The following RARB variants were observed in gnomAD, a reference collection of about 807,000 sequenced individuals.
The protein encoded by RARB is HBV-activated protein.
RARB carries 17 observed loss-of-function variants against 51.9 expected under a neutral mutation model. The observed-to-expected ratio is 0.33, with a 90% CI of 0.22 to 0.49. The LOEUF (loss-of-function observed/expected upper bound fraction) is 0.49, where lower values mean the gene tolerates loss of function less well. Among genes scored for constraint, RARB ranks in the 20% least tolerant of loss-of-function variants. The pLI is 0.99. For missense variants in RARB, 369 were observed against 550.8 expected, an observed-to-expected ratio of 0.67 and a Z score of 3.30; for synonymous variants, 215 against 195.4, an observed-to-expected ratio of 1.10 and a Z score of -0.84.
At chr3:25,455,548 A>T (rs1694863623) in intron 1 of RARB, among the ~76,000 whole-genome samples, 1 of 152,036 alleles carries the variant, frequency 6.6e-6, no homozygotes, top group African/African-American at 2.4e-5. Flanking sequence ...GGGGGTGGAG[A>T]TGTCTAAAAT....
chr3:24,977,724 T>A (rs1180741114), intron 2 of RARB, among the ~76,000 whole-genome samples: 1 of 152,196 alleles, frequency 6.6e-6, no homozygotes, highest in African/African-American at 2.4e-5. Context: ...CTTCCTCTTT[T>A]CCTAATCGAA....
At chr3:24,933,637 T>C (rs901252368) in intron 2 of RARB, among the ~76,000 whole-genome samples, 4 of 151,924 alleles carry the variant, frequency 2.6e-5, no homozygotes, top group African/African-American at 9.7e-5. Flanking sequence ...GCAGAAGTTA[T>C]TACAGCACTC....
intron 5 of RARB, among the ~76,000 whole-genome samples, chr3:25,291,775 T>C (rs1703794268): frequency 6.6e-6 from 1 of 152,130 alleles, no homozygotes; most frequent in South Asian, 2.1e-4. Context: ...AGTAGCAGCT[T>C]GTATGGCTGT....
At chr3:25,477,168 T>C (rs1695993562) in intron 2 of RARB, among the ~76,000 whole-genome samples, 1 of 152,228 alleles carries the variant, frequency 6.6e-6, no homozygotes, top group South Asian at 2.1e-4. Flanking sequence ...AAAATGTCAA[T>C]AGGCATCCTT....
chr3:25,078,387 G>T (rs191174403), intron 3 of RARB, among the ~76,000 whole-genome samples: 1 of 151,796 alleles, frequency 6.6e-6, no homozygotes, highest in Non-Finnish European at 1.5e-5. Context: ...TATTGTTTTG[G>T]CTCTTCCATC....
intron 2 of RARB, among the ~76,000 whole-genome samples, chr3:24,901,175 G>A (rs1443934783): frequency 3.9e-5 from 6 of 152,150 alleles, no homozygotes; most frequent in Non-Finnish European, 7.4e-5. Context: ...ATTTTTGCAC[G>A]TAACAGCTAC....
chr3:24,867,081 G>T (rs1441028451), intron 2 of RARB, among the ~76,000 whole-genome samples: 2 of 152,132 alleles, frequency 1.3e-5, no homozygotes, highest in African/African-American at 4.8e-5. Context: ...TTCTACAATA[G>T]TGATGTTATC....
At chr3:25,550,749 C>CA (rs1699814710) in intron 3 of RARB, among the ~76,000 whole-genome samples, 1 of 152,184 alleles carries the variant, frequency 6.6e-6, no homozygotes, top group Non-Finnish European at 1.5e-5. Flanking sequence ...TCCCCACCGC[C>CA]ACCTGACAGG....
intron 2 of RARB, among the ~76,000 whole-genome samples, chr3:24,950,107 C>T (rs750349307): frequency 2.0e-5 from 3 of 152,172 alleles, no homozygotes; most frequent in Non-Finnish European, 4.4e-5. Context: ...ACTTGAATCA[C>T]AAAGACTGAT....
At chr3:25,303,771 C>T (rs1192324907) in intron 5 of RARB, among the ~76,000 whole-genome samples, 1 of 152,182 alleles carries the variant, frequency 6.6e-6, no homozygotes, top group African/African-American at 2.4e-5. Context: ...CTGCTTTGAG[C>T]ACCGTAGAGC....
At chr3:25,127,167 T>G (rs1008626777) in intron 3 of RARB, among the ~76,000 whole-genome samples, 1 of 152,146 alleles carries the variant, frequency 6.6e-6, no homozygotes, top group African/African-American at 2.4e-5. Flanking sequence ...TGTCACACTC[T>G]GCTTAAAATC....
chr3:24,844,667 G>A (rs1393764291), intron 1 of RARB, among the ~76,000 whole-genome samples: 5 of 152,156 alleles, frequency 3.3e-5, no homozygotes, highest in Non-Finnish European at 7.3e-5. Flanking sequence ...ATCAAATATG[G>A]CACTTCTTCA....
chr3:24,995,049 G>A lies in RARB; in HGVS notation c.-379-65076G>A, dbSNP rs573621476. On this transcript the variant is annotated intron_variant, in intron 2 of 11. Transcript: ENST00000383772. The stretch of plus-strand genomic sequence containing the variant: ...AGAATGTCATTGATGTTTTAAGAGG[G>A]GTTGCATTGAATTTGTAGATTGCTT... Among the ~76,000 whole-genome samples the A allele has an allele frequency of 1.6e-4, 24 of 151,944 alleles. 1 individual carries two copies. In the South Asian group the frequency reaches 4.6e-3, roughly 29 times the overall value.
rs181406820 is a variant in RARB at position 25,263,847 on chromosome 3, G to A, written c.178+89272G>A. Among the ~76,000 whole-genome samples the A allele has an allele frequency of 2.8e-3, 420 of 152,252 alleles. 2 individuals are homozygous for A. Among genetic ancestry groups the A allele is most frequent in the African/African-American group, 9.7e-3 (403 of 41,544 alleles). On this transcript the variant is annotated intron_variant, in intron 5 of 11. Coordinates refer to the RARB transcript ENST00000383772. ...GCTGTCTCTGGGGGACACACTGATC[G>A]CCTCCTCCCAGTCAACAAATTCTGT...
chr3:25,082,210 G>C (rs913022741), intron 3 of RARB, among the ~76,000 whole-genome samples: 2 of 151,044 alleles, frequency 1.3e-5, no homozygotes, highest in Admixed American at 6.6e-5. Context: ...ACCTTTTTCT[G>C]TATCCAGTCA....
At chr3:25,245,033 T>C (rs749339132) in intron 5 of RARB, among the ~76,000 whole-genome samples, 1 of 152,240 alleles carries the variant, frequency 6.6e-6, no homozygotes, top group Non-Finnish European at 1.5e-5. Flanking sequence ...CTCTTCTTGT[T>C]GCATTGATTC....
At chr3:25,072,645 T>C (rs1425299047) in intron 3 of RARB, among the ~76,000 whole-genome samples, 1 of 152,172 alleles carries the variant, frequency 6.6e-6, no homozygotes, top group East Asian at 1.9e-4. Context: ...TTCTATTGTT[T>C]GTGTGAAATT....
intron 5 of RARB, among the ~76,000 whole-genome samples, chr3:25,376,879 T>A (rs1423104839): frequency 1.3e-5 from 2 of 149,324 alleles, no homozygotes; most frequent in Non-Finnish European, 3.0e-5. Context: ...TAGGCACAGG[T>A]CCCATTTCTA....
At chr3:25,589,114 G>A (rs1275475888) in intron 5 of RARB, among the ~76,000 whole-genome samples, 1 of 152,144 alleles carries the variant, frequency 6.6e-6, no homozygotes, top group Non-Finnish European at 1.5e-5. Context: ...AAAGGGTGGT[G>A]GGATAGAAAA....
Sources: gnomAD v4.1 joint callset for allele counts (sites outside exome capture counted in the v4.1 genomes callset) on GRCh38, gnomAD v4.1.1 for gene constraint, MANE v1.5 for transcripts, NCBI Gene and HGNC (gene_info 2026-07-23, HGNC 2026-07-21) for gene names.